NPAS2: variants seen among roughly 807,000 people sequenced by gnomAD.
The protein encoded by NPAS2 is neuronal PAS domain protein 2, also known as neuronal PAS domain-containing protein 2.
A neutral mutation model predicts 107.5 loss-of-function variants in NPAS2; 23 were observed. The ratio of observed to expected loss-of-function variants is 0.21; its 90% CI spans 0.15 to 0.30. The LOEUF is 0.30. Among genes scored for constraint, NPAS2 ranks in the 10% least tolerant of loss-of-function variants. The pLI, the probability that NPAS2 is intolerant of heterozygous loss-of-function variation, is 1.00. For missense variants in NPAS2, 756 were observed against 1,043.3 expected (o/e 0.72, Z 3.79); for synonymous variants, 403 against 417.5 (o/e 0.97, Z 0.42).
chr2:100,923,382 CAT>C (rs1262340695), intron 2 of NPAS2, among the ~76,000 whole-genome samples: 4 of 152,128 alleles, frequency 2.6e-5, no homozygotes, highest in Non-Finnish European at 4.4e-5. Flanking sequence ...GGGTTGTGAA[CAT>C]GTGTGTTGAA....
At chr2:100,887,822 C>T (rs114806996) in intron 1 of NPAS2, among the ~76,000 whole-genome samples, 3,078 of 152,240 alleles carry the variant, frequency 0.02, 56 homozygotes, top group African/African-American at 0.026. Context: ...GTGCCGGCAC[C>T]GCCCCTCTCC....
chr2:100,993,436 A>C lies in NPAS2; in HGVS notation c.2201A>C (p.Gln734Pro), dbSNP rs1678256084. 6.2e-7 allele frequency: 1 copy of C among 1,613,350 alleles called. No individual in the cohort carries two copies. The highest frequency in any genetic ancestry group is 1.3e-5 in the African/African-American group (1 of 74,894). ...CCGATGCCCGTCCTGCTGATGGGGC[A>C]GGCGGTGCTCCACCCCAGCTTCCCT... is the stretch of plus-strand genomic sequence containing the variant. ...SAPMPVLLMG[Q>P]AVLHPSFPAS... Residue 734 changes from glutamine (Q) to proline (P), a missense_variant, in exon 20 of 21, where the codon CAG (glutamine) becomes CCG (proline). Physicochemically the swap from Gln to Pro is moderately conservative, Grantham distance 76. Around this residue, in one of 4 missense-constraint regions of NPAS2, gnomAD observed 496 missense variants for 594.4 expected, o/e 0.83. Coordinates refer to ENST00000335681, the MANE Select transcript of NPAS2 (RefSeq NM_002518.4).
rs748337517 is a variant in NPAS2, at chr2:100,975,479, C to T, written c.1304C>T (p.Ala435Val). 2 of 1,612,882 alleles carry T rather than the reference C, an allele frequency of 1.2e-6. No homozygotes were observed. The highest frequency in any genetic ancestry group is 4.5e-5 in the East Asian group (2 of 44,816). The change falls in exon 14 of 21, where the codon GCA (alanine) becomes GTA (valine). Residue 435 changes from alanine to valine, a missense_variant. Ala to Val is a moderately conservative substitution (Grantham distance 64, BLOSUM62 0). This residue lies in a region of NPAS2 where 496 missense variants were observed against 594.4 expected (regional missense o/e 0.83). Transcript: ENST00000335681. ...EPTSTPTKLMAEASTPALPRS... is the reference protein window; with the variant it reads ...EPTSTPTKLMVEASTPALPRS... The stretch of plus-strand genomic sequence containing the variant: ...ACAGCCACTCCCACCAAGCTGATGG[C>T]AGAGGCCAGCACCCCGGCTTTGCCA...
intron 1 of NPAS2, among the ~76,000 whole-genome samples, chr2:100,848,894 G>A (rs1677965175): frequency 6.6e-6 from 1 of 152,234 alleles, no homozygotes; most frequent in Non-Finnish European, 1.5e-5. Flanking sequence ...GCCCTGACAT[G>A]TTCTCTGCCT....
At chr2:100,938,381 G>C (rs1684468826) in intron 5 of NPAS2, among the ~76,000 whole-genome samples, 1 of 152,116 alleles carries the variant, frequency 6.6e-6, no homozygotes, top group Admixed American at 6.5e-5. Flanking sequence ...AAGACCTTGG[G>C]GAGTGAGGAG....
intron 7 of NPAS2, among the ~76,000 whole-genome samples, chr2:100,956,859 G>C (rs566529418): frequency 6.6e-6 from 1 of 152,206 alleles, no homozygotes; most frequent in South Asian, 2.1e-4. Flanking sequence ...GGCTGAGTTC[G>C]TAGGAATTTG....
At chr2:100,956,920 A>C (rs1453068896) in intron 7 of NPAS2, among the ~76,000 whole-genome samples, 1 of 152,184 alleles carries the variant, frequency 6.6e-6, no homozygotes, top group Non-Finnish European at 1.5e-5. Flanking sequence ...AGGTGACGTT[A>C]CACTCTCCAA....
chr2:100,977,661 C>A lies in NPAS2; in HGVS notation c.1393-49C>A, dbSNP rs773943469. 7 of 1,513,512 alleles carry A rather than the reference C, an allele frequency of 4.6e-6. No individual in the cohort carries two copies. The South Asian group carries it at 7.8e-5, about 17-fold the overall frequency. The allele number at this position is 1,513,512 out of a possible 1,614,324, so 93.8% of individuals were successfully genotyped here. ...CGGACCAAGAGACCACATCCCTGTC[C>A]CCTGGAATGGCAGAAGCAGTGGTAA... is the stretch of plus-strand genomic sequence containing the variant. On this transcript the variant is annotated intron_variant, in intron 14 of 20. Transcript: ENST00000335681.
intron 2 of NPAS2, among the ~76,000 whole-genome samples, chr2:100,908,237 T>G (rs570294785): frequency 1.1e-4 from 16 of 152,240 alleles, no homozygotes; most frequent in African/African-American, 3.9e-4. Context: ...TTGCAGAAAT[T>G]AAATGTAGCT....
intron 2 of NPAS2, among the ~76,000 whole-genome samples, chr2:100,912,148 T>C (rs1044903471): frequency 3.3e-5 from 5 of 152,216 alleles, no homozygotes; most frequent in African/African-American, 1.2e-4. Context: ...TCGTAGGCAC[T>C]GTGGAGACTA....
chr2:100,917,680 T>C (rs1445223629), intron 2 of NPAS2, among the ~76,000 whole-genome samples: 1 of 152,146 alleles, frequency 6.6e-6, no homozygotes, highest in African/African-American at 2.4e-5. Flanking sequence ...CTATGAACAA[T>C]TAGAGCCGCA....
intron 2 of NPAS2, among the ~76,000 whole-genome samples, chr2:100,907,706 G>A (rs927503017): frequency 1.3e-5 from 2 of 152,110 alleles, no homozygotes; most frequent in African/African-American, 4.8e-5. Flanking sequence ...TTTGTGTTAG[G>A]CAAGGCTTTC....
chr2:100,844,205 G>T (rs929065605), intron 1 of NPAS2, among the ~76,000 whole-genome samples: 1 of 152,156 alleles, frequency 6.6e-6, no homozygotes, highest in African/African-American at 2.4e-5. Flanking sequence ...CAACCACCAT[G>T]CCCAGCTCTG....
chr2:100,878,981 A>G (rs1240953693), intron 1 of NPAS2, among the ~76,000 whole-genome samples: 1 of 152,116 alleles, frequency 6.6e-6, no homozygotes, highest in Non-Finnish European at 1.5e-5. Context: ...TTAGCCAGGC[A>G]TGGTGGCATA....
At chr2:100,947,955 C>T (rs981470842) in intron 5 of NPAS2, among the ~76,000 whole-genome samples, 1 of 152,238 alleles carries the variant, frequency 6.6e-6, no homozygotes, top group Non-Finnish European at 1.5e-5. Flanking sequence ...ACTTCTCAAG[C>T]AACAGGAGGA....
At chr2:100,870,745 C>T (rs1679532671) in intron 1 of NPAS2, among the ~76,000 whole-genome samples, 2 of 152,204 alleles carry the variant, frequency 1.3e-5, no homozygotes, top group South Asian at 4.1e-4. Flanking sequence ...CCTTCTTCTT[C>T]CATGTTGTCT....
intron 7 of NPAS2, among the ~76,000 whole-genome samples, chr2:100,953,627 C>G (rs372937025): frequency 4.2e-4 from 64 of 152,220 alleles, no homozygotes; most frequent in African/African-American, 1.4e-3. Context: ...TGGCATCATC[C>G]CATCTTCACA....
chr2:100,844,761 A>G (rs1337112838), intron 1 of NPAS2, among the ~76,000 whole-genome samples: 2 of 152,296 alleles, frequency 1.3e-5, no homozygotes, highest in East Asian at 3.9e-4. Context: ...GATCATTCAA[A>G]TGGGTTGTGT....
At chr2:100,867,361 G>A (rs1679319505) in intron 1 of NPAS2, among the ~76,000 whole-genome samples, 1 of 152,166 alleles carries the variant, frequency 6.6e-6, no homozygotes, top group African/African-American at 2.4e-5. Flanking sequence ...ATTATTAGGT[G>A]CATGTAAGTT....
Sources: allele counts gnomAD v4.1 joint callset (sites outside exome capture counted in the v4.1 genomes callset), GRCh38; gene constraint gnomAD v4.1.1; regional missense constraint gnomAD v4.1.1; transcripts MANE v1.5; gene names NCBI Gene and HGNC (gene_info 2026-07-23, HGNC 2026-07-21).